DENND1A: variants seen among roughly 807,000 people sequenced by gnomAD.
The protein encoded by DENND1A is DENN domain containing 1A.
Under a neutral mutation model 113.7 loss-of-function variants are expected in DENND1A, and 51 were observed. The ratio of observed to expected loss-of-function variants is 0.45; its 90% CI spans 0.36 to 0.57. DENND1A has a LOEUF of 0.57. Ranked by LOEUF, DENND1A falls within the 20% of genes least tolerant of loss-of-function variation. The probability of loss-of-function intolerance (pLI) is 0.00; values close to 1 mark genes in which losing one functional copy is unlikely to be tolerated. For synonymous variants in DENND1A, 565 were observed against 570.8 expected (o/e 0.99, Z 0.14); for missense variants, 1,258 against 1,395.9 (o/e 0.90, Z 1.57).
intron 5 of DENND1A, among the ~76,000 whole-genome samples, chr9:123,746,506 G>A (rs1477612851): frequency 6.6e-6 from 1 of 152,074 alleles, no homozygotes; most frequent in East Asian, 1.9e-4. Context: ...AGATTTGTTT[G>A]GATTTTGGAA....
At chr9:123,675,930 G>A (rs747590878) in intron 6 of DENND1A, among the ~76,000 whole-genome samples, 2 of 152,160 alleles carry the variant, frequency 1.3e-5, no homozygotes, top group African/African-American at 4.8e-5. Context: ...TCATAGATGC[G>A]AATGGTTACA....
At chr9:123,621,636 A>T (rs772363993) in intron 10 of DENND1A, among the ~76,000 whole-genome samples, 2 of 152,212 alleles carry the variant, frequency 1.3e-5, no homozygotes, top group Non-Finnish European at 2.9e-5. Flanking sequence ...ACCTGAAAAC[A>T]TTGGCTCAGT....
At chr9:123,551,827 G>A (rs1214867440) in intron 13 of DENND1A, among the ~76,000 whole-genome samples, 1 of 152,130 alleles carries the variant, frequency 6.6e-6, no homozygotes, top group Non-Finnish European at 1.5e-5. Context: ...CAACAAACCC[G>A]CAGAAAGCAC....
At chr9:123,592,544 C>T (rs1363386853) in intron 11 of DENND1A, among the ~76,000 whole-genome samples, 2 of 152,028 alleles carry the variant, frequency 1.3e-5, no homozygotes, top group Non-Finnish European at 2.9e-5. Context: ...GAATAGGGTA[C>T]AAGAGGAGTT....
intron 1 of DENND1A, among the ~76,000 whole-genome samples, chr9:123,888,956 C>CTGTGTGTG (rs58270598): frequency 0.017 from 2,241 of 131,136 alleles, 49 homozygotes; most frequent in African/African-American, 0.047. Flanking sequence ...GTGCTTTAAA[C>CTGTGTGTG]TGTGTGTGTG....
At chr9:123,516,245 G>C (rs757715928) in intron 13 of DENND1A, among the ~76,000 whole-genome samples, 2 of 152,012 alleles carry the variant, frequency 1.3e-5, no homozygotes, top group African/African-American at 2.4e-5. Context: ...GGGTACATGG[G>C]GGGTGTGTAC....
At chr9:123,586,531 A>G (rs149363158) in intron 11 of DENND1A, among the ~76,000 whole-genome samples, 331 of 152,324 alleles carry the variant, frequency 2.2e-3, no homozygotes, top group African/African-American at 7.8e-3. Flanking sequence ...TGCCCCGAGC[A>G]CCAGGCTCCA....
intron 2 of DENND1A, chr9:123,842,999 T>C: frequency 2.4e-6 from 1 of 424,210 alleles, no homozygotes; most frequent in South Asian, 1.9e-5. Flanking sequence ...CCAAGTCCCT[T>C]CCCCAAGCGA....
chr9:123,688,795 C>T (rs1250092115), intron 5 of DENND1A, among the ~76,000 whole-genome samples: 1 of 152,136 alleles, frequency 6.6e-6, no homozygotes, highest in Non-Finnish European at 1.5e-5. Context: ...AATTCTTACC[C>T]TCAGCCACTC....
intron 5 of DENND1A, among the ~76,000 whole-genome samples, chr9:123,686,872 A>C (rs2064842143): frequency 6.6e-6 from 1 of 152,204 alleles, no homozygotes; most frequent in African/African-American, 2.4e-5. Context: ...TAGACAGGGC[A>C]TCAGCTTTCC....
intron 1 of DENND1A, among the ~76,000 whole-genome samples, 166 bp from the exon 2 acceptor site, chr9:123,879,187 A>C (rs1847960569): frequency 6.6e-6 from 1 of 152,164 alleles, no homozygotes; most frequent in Admixed American, 6.5e-5. Context: ...ATGCCTTCCT[A>C]AACTACAAAA....
At chr9:123,814,514 C>CA (rs1269093645) in intron 2 of DENND1A, among the ~76,000 whole-genome samples, 1 of 151,944 alleles carries the variant, frequency 6.6e-6, no homozygotes, top group Non-Finnish European at 1.5e-5. Context: ...CTCTTTGGTT[C>CA]AAAAAATTCA....
At chr9:123,507,750 G>T (rs551672402) in intron 13 of DENND1A, among the ~76,000 whole-genome samples, 5 of 151,604 alleles carry the variant, frequency 3.3e-5, no homozygotes, top group Non-Finnish European at 7.4e-5. Flanking sequence ...CAGCTACTTG[G>T]GGGGCTGAGG....
chr9:123,718,401 G>T (rs913697833), intron 5 of DENND1A, among the ~76,000 whole-genome samples: 7 of 152,304 alleles, frequency 4.6e-5, no homozygotes, highest in Admixed American at 4.6e-4. Context: ...TGTTAAGTTG[G>T]TAAGCAGTTC....
At chr9:123,627,604 A>G (rs2061286831) in intron 10 of DENND1A, among the ~76,000 whole-genome samples, 1 of 151,992 alleles carries the variant, frequency 6.6e-6, no homozygotes, top group Non-Finnish European at 1.5e-5. Context: ...GCCGAGTGTG[A>G]TGGTACGCGC....
In DENND1A at chr9:123,714,274, C is replaced by T. The variant is rs185574701; in HGVS notation, c.303-37485G>A. ...GTCTGTGCAGGTAGCTCCTGCCAGG[C>T]GACCTTGTCTACCATCATGTTGCAG... On this transcript the variant is annotated intron_variant, in intron 5 of 23. Transcript: ENST00000394215. Among the ~76,000 whole-genome samples the T allele has an allele frequency of 5.8e-4, 88 of 152,264 alleles. 1 individual carries two copies. The highest frequency in any genetic ancestry group is 3.4e-3 in the Middle Eastern group (1 of 294).
intron 13 of DENND1A, among the ~76,000 whole-genome samples, chr9:123,555,836 C>T (rs2057384456): frequency 6.6e-6 from 1 of 152,198 alleles, no homozygotes; most frequent in South Asian, 2.1e-4. Context: ...AGCAATATGT[C>T]CCGAACTTCA....
chr9:123,848,384 G>A (rs566534150), intron 2 of DENND1A, among the ~76,000 whole-genome samples: 1 of 152,098 alleles, frequency 6.6e-6, no homozygotes, highest in Non-Finnish European at 1.5e-5. Flanking sequence ...GATGATCAGT[G>A]ATCAATGATC....
chr9:123,413,537 C>G, intron 19 of DENND1A: 1 of 985,414 alleles, frequency 1.0e-6, no homozygotes, highest in East Asian at 1.1e-4. Flanking sequence ...CCAGTTGTCC[C>G]TGGGTCCCTG....
Sources: allele counts gnomAD v4.1 joint callset (sites outside exome capture counted in the v4.1 genomes callset), GRCh38; gene constraint gnomAD v4.1.1; transcripts MANE v1.5; gene names NCBI Gene and HGNC (gene_info 2026-07-23, HGNC 2026-07-21).